Variants in PCDHA5 observed in about 807,000 individuals in gnomAD.
PCDHA5 encodes protocadherin alpha 5.
Under a neutral mutation model 61.6 loss-of-function variants are expected in PCDHA5, and 43 were observed. The observed-to-expected ratio is 0.70, with a 90% CI of 0.55 to 0.90. PCDHA5 has a LOEUF of 0.90. Among genes scored for constraint, PCDHA5 ranks in the 40% least tolerant of loss-of-function variants. The pLI is 0.00. For synonymous variants in PCDHA5, 627 were observed against 543.9 expected, an observed-to-expected ratio of 1.15 and a Z score of -2.13; for missense variants, 1,298 against 1,222.7, an observed-to-expected ratio of 1.06 and a Z score of -0.92.
At chr5:140,987,022 T>C (rs1218338191) in intron 3 of PCDHA5, among the ~76,000 whole-genome samples, 1 of 152,068 alleles carries the variant, frequency 6.6e-6, no homozygotes, top group African/African-American at 2.4e-5. Flanking sequence ...GAGACCAGCC[T>C]GGTCAACATG....
rs782453395 is a variant in PCDHA5 at position 140,875,890 on chromosome 5, G to A, written c.2352+51763G>A. 2.4e-5 allele frequency: 38 copies of A among 1,614,180 alleles called. No homozygotes were observed. The South Asian group carries it at 4.1e-4, about 17-fold the overall frequency. On this transcript the variant is annotated intron_variant, in intron 1 of 3. Coordinates refer to ENST00000529859, the MANE Select transcript of PCDHA5 (RefSeq NM_018908.3). Reference sequence around the variant, plus strand: ...GGTGTTCAGAGAAAGGGAACAAAAGGTACCTGTTTCTGAATCTGCGCCTCT... The same window carrying A: ...GGTGTTCAGAGAAAGGGAACAAAAGATACCTGTTTCTGAATCTGCGCCTCT...
chr5:140,932,474 A>G (rs1444534569), intron 1 of PCDHA5, among the ~76,000 whole-genome samples: 1 of 151,904 alleles, frequency 6.6e-6, no homozygotes, highest in African/African-American at 2.4e-5. Context: ...AGGAAATAGG[A>G]TATCTCCTCT....
intron 1 of PCDHA5, chr5:140,836,860 A>G: frequency 1.3e-6 from 1 of 774,528 alleles, no homozygotes; most frequent in East Asian, 2.8e-5. Context: ...TTATTTTTTA[A>G]TGTTATGCTG....
Position 140,871,256 on chromosome 5 carries a change from C to T in PCDHA5, c.2352+47129C>T, listed in dbSNP as rs781990448. ...CTGGTACTCACGCTGCTGCTGTATA[C>T]GGCGCTGTGGTGGTCGGCAACGCCC... On this transcript the variant is annotated intron_variant, in intron 1 of 3. Coordinates refer to ENST00000529859, the MANE Select transcript of PCDHA5 (RefSeq NM_018908.3). The T allele has an allele frequency of 4.3e-6, 7 of 1,613,866 alleles. No individual in the cohort carries two copies. Among genetic ancestry groups the T allele is most frequent in the East Asian group, 2.2e-5 (1 of 44,888 alleles).
In PCDHA5 at chr5:140,848,706, C is replaced by T. The variant is rs2150418265; in HGVS notation, c.2352+24579C>T. On this transcript the variant is annotated intron_variant, in intron 1 of 3. Coordinates refer to ENST00000529859, the MANE Select transcript of PCDHA5 (RefSeq NM_018908.3). ...CCTGTTCCAGTTGGATTCCAAAGGC[C>T]GCGGGGACCTTCTGGAGGTAAATCT... 43 of 1,592,328 alleles carry T rather than the reference C, an allele frequency of 2.7e-5. 5 individuals are homozygous for T. In the South Asian group the frequency reaches 4.1e-4, roughly 15 times the overall value.
chr5:140,907,598 A>G (rs2073483512), intron 1 of PCDHA5, among the ~76,000 whole-genome samples: 1 of 152,198 alleles, frequency 6.6e-6, no homozygotes, highest in Admixed American at 6.5e-5. Context: ...CACCCTGAGG[A>G]ATGGTGCCAT....
intron 1 of PCDHA5, chr5:140,849,617 G>C (rs2150442549): frequency 6.3e-7 from 1 of 1,598,746 alleles, no homozygotes; most frequent in Non-Finnish European, 8.6e-7. Context: ...TGATTAGTGT[G>C]ATCGACCTAG....
chr5:140,823,162 G>A lies in PCDHA5; in HGVS notation c.1387G>A (p.Val463Met), dbSNP rs2150122942. 13 of 1,613,938 alleles carry A rather than the reference G, an allele frequency of 8.1e-6. No individual in the cohort carries two copies. Among genetic ancestry groups the A allele is most frequent in the Non-Finnish European group, 1.0e-5 (12 of 1,179,896 alleles). The change falls in exon 1 of 4, where the codon GTG (valine) becomes ATG (methionine). Residue 463 changes from valine (V) to methionine (M), a missense_variant. Val to Met is a conservative substitution (Grantham distance 21, BLOSUM62 1). Transcript: ENST00000529859. ...CGCGCAGCCCCAGTATACCGTGTTC[G>A]TGAAGGAGAACAACCCGCCAGGCTG... is the stretch of plus-strand genomic sequence containing the variant. ...AFAQPQYTVF[V>M]KENNPPGCHI...
At chr5:140,903,845 C>T (rs2070659171) in intron 1 of PCDHA5, among the ~76,000 whole-genome samples, 1 of 152,006 alleles carries the variant, frequency 6.6e-6, no homozygotes, top group Admixed American at 6.6e-5. Context: ...TTTCATTTAT[C>T]TTAACAAATA....
chr5:140,922,477 C>T (rs1233589980), intron 1 of PCDHA5, among the ~76,000 whole-genome samples: 2 of 152,124 alleles, frequency 1.3e-5, no homozygotes, highest in African/African-American at 2.4e-5. Context: ...GGAGAGAAGG[C>T]AGGACTAAAT....
chr5:140,907,525 G>A (rs1016477325), intron 1 of PCDHA5, among the ~76,000 whole-genome samples: 3 of 152,196 alleles, frequency 2.0e-5, no homozygotes, highest in African/African-American at 4.8e-5. Flanking sequence ...AGGACAAATC[G>A]CTGCCCTTTC....
At chr5:140,930,003 A>G (rs1440351209) in intron 1 of PCDHA5, 1 of 152,218 alleles carries the variant, frequency 6.6e-6, no homozygotes, top group Non-Finnish European at 1.5e-5. Flanking sequence ...ACCCTAAAAC[A>G]TAGCTGATAG....
At chr5:140,915,362 A>C (rs2077085780) in intron 1 of PCDHA5, among the ~76,000 whole-genome samples, 2 of 152,274 alleles carry the variant, frequency 1.3e-5, no homozygotes, top group East Asian at 3.9e-4. Flanking sequence ...TATTCTTACC[A>C]GTAAGTGTCT....
intron 1 of PCDHA5, chr5:140,828,033 C>T (rs1769495169): frequency 2.0e-6 from 3 of 1,525,942 alleles, no homozygotes; most frequent in South Asian, 2.6e-5. Flanking sequence ...CCGGAACATA[C>T]AGTATTTTAT....
rs1580988971 is a variant in PCDHA5, at chr5:140,842,089, C to T, written c.2352+17962C>T. ...AAGTAAGAATATTCGAAAACGCAGA[C>T]AACGGAACAACAGTTATCAAACTGA... is the stretch of plus-strand genomic sequence containing the variant. On this transcript the variant is annotated intron_variant, in intron 1 of 3. Transcript: ENST00000529859. The T allele has an allele frequency of 1.9e-6, 3 of 1,613,894 alleles. No homozygotes were observed. The East Asian group carries it at 6.7e-5, about 36-fold the overall frequency.
intron 1 of PCDHA5, among the ~76,000 whole-genome samples, chr5:140,958,710 A>G (rs1446140877): frequency 1.3e-5 from 2 of 152,210 alleles, no homozygotes; most frequent in Non-Finnish European, 2.9e-5. Flanking sequence ...CAACTCTGTT[A>G]TAATAAATGT....
intron 1 of PCDHA5, chr5:140,884,272 G>A (rs1554181402): frequency 6.2e-7 from 1 of 1,613,574 alleles, no homozygotes; most frequent in South Asian, 1.1e-5. Flanking sequence ...TGCTGTTGTC[G>A]CTGGTGGAGA....
At chr5:140,924,596 T>C (rs1309205821) in intron 1 of PCDHA5, among the ~76,000 whole-genome samples, 1 of 152,116 alleles carries the variant, frequency 6.6e-6, no homozygotes, top group Non-Finnish European at 1.5e-5. Context: ...TATAGAAATA[T>C]GCAGGCTGAT....
At chr5:140,853,555 G>A in intron 1 of PCDHA5, 1 of 980,632 alleles carries the variant, frequency 1.0e-6, no homozygotes, top group Non-Finnish European at 1.2e-6. Context: ...TTACTATATA[G>A]GAAAAACTAA....
Sources: gnomAD v4.1 joint callset for allele counts (sites outside exome capture counted in the v4.1 genomes callset) on GRCh38, gnomAD v4.1.1 for gene constraint, MANE v1.5 for transcripts, NCBI Gene and HGNC (gene_info 2026-07-23, HGNC 2026-07-21) for gene names.